Variants in UBE2G1 observed in about 807,000 individuals in gnomAD.
UBE2G1 encodes ubiquitin-conjugating enzyme E2 G1.
Under a neutral mutation model 22.7 loss-of-function variants are expected in UBE2G1, and 5 were observed. The observed-to-expected ratio is 0.22, with a 90% CI of 0.12 to 0.46. The LOEUF is 0.46. UBE2G1 is among the 20% of genes least tolerant of loss of function. UBE2G1 has a pLI of 0.99. For synonymous variants in UBE2G1, 74 were observed against 67.5 expected, an observed-to-expected ratio of 1.10 and a Z score of -0.47; for missense variants, 88 against 203.9, an observed-to-expected ratio of 0.43 and a Z score of 3.46.
intron 5 of UBE2G1, among the ~76,000 whole-genome samples, chr17:4,276,434 C>T (rs1968822637): frequency 1.3e-5 from 2 of 152,172 alleles, no homozygotes; most frequent in East Asian, 3.8e-4. Context: ...GCTGGGATTA[C>T]AGGCGTGAGC....
At chr17:4,285,984 G>A (rs990062269) in intron 4 of UBE2G1, among the ~76,000 whole-genome samples, 13 of 151,712 alleles carry the variant, frequency 8.6e-5, no homozygotes, top group African/African-American at 3.1e-4. Flanking sequence ...AAAGAAGAAA[G>A]GGACCCAGGA....
In UBE2G1 at chr17:4,269,619, C is replaced by T; in HGVS notation, c.*2935G>A. 5.4e-6 allele frequency: 1 copy of T among 186,248 alleles called. No homozygotes were observed. Among genetic ancestry groups the T allele is most frequent in the Non-Finnish European group, 1.1e-5 (1 of 88,758 alleles). The allele number at this position is 186,248 out of a possible 1,614,324, so 11.5% of individuals were successfully genotyped here. The stretch of plus-strand genomic sequence containing the variant: ...CGTGATCACAGTACTAGTGGAATAA[C>T]CTCACAAACATGTTACCTTAGTATG... On this transcript the variant is annotated 3_prime_UTR_variant, in exon 6 of 6. Transcript: ENST00000396981.
chr17:4,347,070 T>C (rs1969785893), intron 1 of UBE2G1, among the ~76,000 whole-genome samples: 1 of 151,922 alleles, frequency 6.6e-6, no homozygotes, highest in South Asian at 2.1e-4. Context: ...GGAGGATCGC[T>C]TGAGCCCAGG....
intron 1 of UBE2G1, among the ~76,000 whole-genome samples, chr17:4,319,590 C>G (rs1969414070): frequency 6.6e-6 from 1 of 152,098 alleles, no homozygotes; most frequent in Non-Finnish European, 1.5e-5. Context: ...CAAAAATTAG[C>G]TGGACATGGC....
At chr17:4,319,724 A>G (rs760595341) in intron 1 of UBE2G1, among the ~76,000 whole-genome samples, 2 of 146,134 alleles carry the variant, frequency 1.4e-5, no homozygotes, top group African/African-American at 2.5e-5. Flanking sequence ...ACCTGTGTCG[A>G]AAAAAAAAAA....
chr17:4,351,696 A>T (rs1456732904), intron 1 of UBE2G1, among the ~76,000 whole-genome samples: 2 of 152,238 alleles, frequency 1.3e-5, no homozygotes. Context: ...AGTACTAATG[A>T]GGATAATATA....
chr17:4,352,282 G>A (rs1224403837), intron 1 of UBE2G1, among the ~76,000 whole-genome samples: 1 of 152,068 alleles, frequency 6.6e-6, no homozygotes, highest in Non-Finnish European at 1.5e-5. Context: ...CAGGCTGGAG[G>A]GCAGTGATGC....
At chr17:4,363,098 G>A (rs1969987639) in intron 1 of UBE2G1, among the ~76,000 whole-genome samples, 1 of 152,068 alleles carries the variant, frequency 6.6e-6, no homozygotes, top group Non-Finnish European at 1.5e-5. Flanking sequence ...CCCAGTTTGG[G>A]CAACAAAGTA....
Position 4,271,168 on chromosome 17 carries a change from C to T in UBE2G1, c.*1386G>A, listed in dbSNP as rs1464591758. 6.6e-6 allele frequency: 1 copy of T among 152,396 alleles called. No homozygotes were observed. The highest frequency in any genetic ancestry group is 1.5e-5 in the Non-Finnish European group (1 of 68,036). 9.4% of individuals were successfully genotyped at this position (152,396 alleles called of 1,614,324 possible). A position where few individuals can be genotyped will look rare whatever the true frequency, so the allele number is the denominator to read the frequency against. On this transcript the variant is annotated 3_prime_UTR_variant, in exon 6 of 6. Transcript: ENST00000396981. ...CTGTATGATATGAAATATATTGAAG[C>T]TCAAACATTAATCACATCCAAGTGT...
At chr17:4,339,944 T>C (rs1316595706) in intron 1 of UBE2G1, among the ~76,000 whole-genome samples, 5 of 152,214 alleles carry the variant, frequency 3.3e-5, no homozygotes, top group Admixed American at 1.3e-4. Context: ...CTTCTTTTGA[T>C]GGAGTCTCAC....
chr17:4,276,884 C>T lies in UBE2G1; in HGVS notation c.*38-4368G>A, dbSNP rs1181125971. Among the ~76,000 whole-genome samples the T allele has an allele frequency of 6.6e-5, 10 of 152,232 alleles. No homozygotes were observed. In the South Asian group the frequency reaches 8.3e-4, roughly 13 times the overall value. ...CAATACTATGTTAGAATGACCTTCC[C>T]GAGAATTCCCAAACAAGACAAAAGA... is the stretch of plus-strand genomic sequence containing the variant. On this transcript the variant is annotated intron_variant, in intron 5 of 5. Coordinates refer to ENST00000396981, the MANE Select transcript of UBE2G1 (RefSeq NM_003342.5).
rs113151342 is a variant in UBE2G1, at chr17:4,291,845, A to G, written c.248-2437T>C. Among the ~76,000 whole-genome samples the G allele has an allele frequency of 1.2e-3, 180 of 152,248 alleles. 1 individual carries two copies. The highest frequency in any genetic ancestry group is 4.1e-3 in the African/African-American group (171 of 41,552). Reference sequence around the variant, plus strand: ...TTTTCTAAATGCTTTTGGGGTGACAACTTTCCATGGATATAACCTGTATGT... The same window carrying G: ...TTTTCTAAATGCTTTTGGGGTGACAGCTTTCCATGGATATAACCTGTATGT... On this transcript the variant is annotated intron_variant, in intron 3 of 5. Transcript: ENST00000396981.
At chr17:4,355,947 G>A (rs1212226809) in intron 1 of UBE2G1, among the ~76,000 whole-genome samples, 3 of 143,720 alleles carry the variant, frequency 2.1e-5, no homozygotes, top group South Asian at 2.4e-4. Flanking sequence ...TGATCCGCCC[G>A]CCTCGGCCTC....
intron 5 of UBE2G1, among the ~76,000 whole-genome samples, chr17:4,278,506 C>T (rs1230217822): frequency 6.6e-6 from 1 of 152,206 alleles, no homozygotes; most frequent in Non-Finnish European, 1.5e-5. Context: ...GCATTCAAAG[C>T]TGTCCTGGGA....
intron 1 of UBE2G1, among the ~76,000 whole-genome samples, chr17:4,358,363 T>A (rs894577255): frequency 1.3e-5 from 2 of 152,148 alleles, no homozygotes; most frequent in Non-Finnish European, 2.9e-5. Context: ...AATCCCCATC[T>A]CAAGCGATGC....
intron 3 of UBE2G1, among the ~76,000 whole-genome samples, chr17:4,291,099 G>A (rs1486941509): frequency 2.0e-5 from 3 of 152,108 alleles, no homozygotes; most frequent in African/African-American, 4.8e-5. Context: ...GGTGGCTCAC[G>A]CCTGTAATCC....
At chr17:4,276,015 G>A (rs1968817460) in intron 5 of UBE2G1, among the ~76,000 whole-genome samples, 1 of 152,094 alleles carries the variant, frequency 6.6e-6, no homozygotes, top group Non-Finnish European at 1.5e-5. Context: ...TCTTCCTTCT[G>A]TACCCTAATT....
At chr17:4,307,714 G>A (rs1969263808) in intron 1 of UBE2G1, among the ~76,000 whole-genome samples, 1 of 152,134 alleles carries the variant, frequency 6.6e-6, no homozygotes, top group Non-Finnish European at 1.5e-5. Flanking sequence ...TCGACCCTCT[G>A]AGAGCCACAG....
At chr17:4,352,687 CT>C (rs1174420337) in intron 1 of UBE2G1, among the ~76,000 whole-genome samples, 1 of 152,114 alleles carries the variant, frequency 6.6e-6, no homozygotes, top group African/African-American at 2.4e-5. Context: ...GGCGTGGTGG[CT>C]GTATTATAGA....
Sources: allele counts gnomAD v4.1 joint callset (sites outside exome capture counted in the v4.1 genomes callset), GRCh38; gene constraint gnomAD v4.1.1; transcripts MANE v1.5; gene names NCBI Gene and HGNC (gene_info 2026-07-23, HGNC 2026-07-21).